The following UBE2E2 variants were observed in gnomAD, a reference collection of about 807,000 sequenced individuals.
UBE2E2 encodes ubiquitin-conjugating enzyme E2 E2.
A neutral mutation model predicts 24.7 loss-of-function variants in UBE2E2; 6 were observed. That is an observed-to-expected ratio of 0.24 (90% CI 0.13 to 0.48). The LOEUF is 0.48. Among genes scored for constraint, UBE2E2 ranks in the 20% least tolerant of loss-of-function variants. UBE2E2 has a pLI of 0.99. For synonymous variants in UBE2E2, 104 were observed against 83.6 expected, an observed-to-expected ratio of 1.24 and a Z score of -1.33; for missense variants, 169 against 245.0, an observed-to-expected ratio of 0.69 and a Z score of 2.07.
intron 3 of UBE2E2, among the ~76,000 whole-genome samples, chr3:23,435,143 T>G (rs920397632): frequency 2.6e-5 from 4 of 152,238 alleles, no homozygotes; most frequent in Admixed American, 2.0e-4. Flanking sequence ...CCCCACCTAT[T>G]GTTTCAAACT....
chr3:23,371,639 G>A (rs561891750), intron 3 of UBE2E2, among the ~76,000 whole-genome samples: 1 of 152,220 alleles, frequency 6.6e-6, no homozygotes, highest in African/African-American at 2.4e-5. Flanking sequence ...GACTCACTAA[G>A]CCAGCAATTT....
intron 3 of UBE2E2, among the ~76,000 whole-genome samples, chr3:23,459,506 G>T (rs991669697): frequency 6.6e-6 from 1 of 152,140 alleles, no homozygotes; most frequent in Non-Finnish European, 1.5e-5. Context: ...GGACCATAAT[G>T]TTTTTACAAA....
intron 2 of UBE2E2, among the ~76,000 whole-genome samples, chr3:23,216,202 A>T (rs774622941): frequency 1.3e-5 from 2 of 152,078 alleles, no homozygotes; most frequent in African/African-American, 2.4e-5. Context: ...ACCTTGAATC[A>T]CGTGGTTTAG....
At chr3:23,532,426 T>C (rs1559413486) in intron 4 of UBE2E2, 128 bp from the exon 5 acceptor site, 1 of 713,092 alleles carries the variant, frequency 1.4e-6, no homozygotes, top group Non-Finnish European at 2.0e-6. Context: ...AAAAATCAAG[T>C]GTATGTTAAC....
intron 3 of UBE2E2, among the ~76,000 whole-genome samples, chr3:23,440,175 G>C (rs1209967482): frequency 6.6e-6 from 1 of 152,088 alleles, no homozygotes; most frequent in Non-Finnish European, 1.5e-5. Flanking sequence ...TCGGAGGGCT[G>C]ACGCAGGAGA....
intron 3 of UBE2E2, among the ~76,000 whole-genome samples, chr3:23,268,467 A>G (rs1698123363): frequency 1.3e-5 from 2 of 151,846 alleles, no homozygotes; most frequent in African/African-American, 4.8e-5. Context: ...TTCAAAGAGA[A>G]AAAAATACCT....
chr3:23,556,221 T>C (rs1161735235), intron 5 of UBE2E2, among the ~76,000 whole-genome samples: 1 of 143,644 alleles, frequency 7.0e-6, no homozygotes, highest in Non-Finnish European at 1.5e-5. Context: ...CTCAGCTCAC[T>C]GCAACCTCCA....
chr3:23,365,825 A>T (rs564294344), intron 3 of UBE2E2, among the ~76,000 whole-genome samples: 1 of 152,196 alleles, frequency 6.6e-6, no homozygotes. Context: ...AGCAAAAAGA[A>T]CAAGGTTGGA....
At chr3:23,499,058 C>T (rs771507127) in intron 3 of UBE2E2, among the ~76,000 whole-genome samples, 1 of 152,182 alleles carries the variant, frequency 6.6e-6, no homozygotes, top group African/African-American at 2.4e-5. Context: ...TTGCAAAACA[C>T]AGTTATAAAA....
At chr3:23,422,443 T>C (rs995876944) in intron 3 of UBE2E2, among the ~76,000 whole-genome samples, 1 of 152,220 alleles carries the variant, frequency 6.6e-6, no homozygotes, top group African/African-American at 2.4e-5. Context: ...CCAGGACTAC[T>C]ATTTTTCAAG....
At chr3:23,514,138 A>G (rs1197196703) in intron 4 of UBE2E2, among the ~76,000 whole-genome samples, 1 of 152,204 alleles carries the variant, frequency 6.6e-6, no homozygotes. Context: ...TTGCCAGTAC[A>G]TTTGACTGGA....
intron 3 of UBE2E2, among the ~76,000 whole-genome samples, chr3:23,223,857 C>G (rs538393189): frequency 6.6e-6 from 1 of 152,160 alleles, no homozygotes; most frequent in African/African-American, 2.4e-5. Flanking sequence ...TTTCATTCTT[C>G]ATATATAGTT....
chr3:23,349,787 G>A (rs1695679149), intron 3 of UBE2E2, among the ~76,000 whole-genome samples: 1 of 152,232 alleles, frequency 6.6e-6, no homozygotes, highest in Non-Finnish European at 1.5e-5. Context: ...GCCTCTGTAG[G>A]CTCCACCCCT....
At chr3:23,422,940 C>G (rs1259181521) in intron 3 of UBE2E2, among the ~76,000 whole-genome samples, 2 of 152,164 alleles carry the variant, frequency 1.3e-5, no homozygotes, top group Non-Finnish European at 2.9e-5. Context: ...CATATCTTCA[C>G]CTTCATGTTC....
chr3:23,405,400 T>C (rs1289105845), intron 3 of UBE2E2, among the ~76,000 whole-genome samples: 1 of 152,218 alleles, frequency 6.6e-6, no homozygotes, highest in Non-Finnish European at 1.5e-5. Flanking sequence ...TGGCAGAGCC[T>C]GAAAAGCCAG....
chr3:23,527,692 A>G (rs751454312), intron 4 of UBE2E2, among the ~76,000 whole-genome samples: 1 of 152,116 alleles, frequency 6.6e-6, no homozygotes, highest in Non-Finnish European at 1.5e-5. Context: ...AATGATTTAA[A>G]TCAATCATGC....
intron 3 of UBE2E2, among the ~76,000 whole-genome samples, chr3:23,330,534 G>A (rs189513978): frequency 4.6e-5 from 7 of 152,256 alleles, no homozygotes; most frequent in Middle Eastern, 3.4e-3. Flanking sequence ...AATAGTACAC[G>A]AATTACAAGG....
intron 3 of UBE2E2, among the ~76,000 whole-genome samples, chr3:23,331,039 C>T (rs1201654742): frequency 1.3e-5 from 2 of 152,002 alleles, no homozygotes; most frequent in African/African-American, 4.8e-5. Flanking sequence ...ATCTTTTTCT[C>T]TTCATTTTCT....
intron 3 of UBE2E2, among the ~76,000 whole-genome samples, chr3:23,272,909 A>C (rs1367768552): frequency 6.6e-6 from 1 of 152,150 alleles, no homozygotes. Flanking sequence ...AAGCAGGAAA[A>C]GACTGATATT....
Sources: gnomAD v4.1 joint callset for allele counts (sites outside exome capture counted in the v4.1 genomes callset) on GRCh38, gnomAD v4.1.1 for gene constraint, MANE v1.5 for transcripts, NCBI Gene and HGNC (gene_info 2026-07-23, HGNC 2026-07-21) for gene names.